The following THSD7B variants were observed in gnomAD, a reference collection of about 807,000 sequenced individuals.
THSD7B encodes the protein thrombospondin type 1 domain containing 7B, also known as thrombospondin type-1 domain-containing protein 7B.
In THSD7B, 138 loss-of-function variants were observed where a neutral mutation model predicts 213.6. The observed-to-expected ratio is 0.65, with a 90% CI of 0.56 to 0.74. The LOEUF (loss-of-function observed/expected upper bound fraction) is 0.74. THSD7B is among the 30% of genes least tolerant of loss of function. The pLI, the probability that THSD7B is intolerant of heterozygous loss-of-function variation, is 0.00. For missense variants in THSD7B, 1,931 were observed against 1,991.5 expected (o/e 0.97, Z 0.58); for synonymous variants, 742 against 687.0 (o/e 1.08, Z -1.25).
intron 14 of THSD7B, among the ~76,000 whole-genome samples, chr2:137,434,516 A>G (rs977524969): frequency 6.6e-6 from 1 of 152,220 alleles, no homozygotes; most frequent in Non-Finnish European, 1.5e-5. Flanking sequence ...ATAATATTTC[A>G]ATGGTTTGAA....
intron 14 of THSD7B, among the ~76,000 whole-genome samples, chr2:137,448,448 G>A (rs868002882): frequency 6.6e-6 from 1 of 152,166 alleles, no homozygotes; most frequent in Non-Finnish European, 1.5e-5. Flanking sequence ...AGATAGAAGA[G>A]ACGGGAGGGT....
intron 15 of THSD7B, among the ~76,000 whole-genome samples, chr2:137,466,341 T>A (rs546660932): frequency 6.6e-6 from 1 of 152,276 alleles, no homozygotes; most frequent in African/African-American, 2.4e-5. Context: ...CATTCCAGTT[T>A]TGAGTGGGAG....
intron 1 of THSD7B, among the ~76,000 whole-genome samples, chr2:136,869,905 A>G (rs1573679093): frequency 6.6e-6 from 1 of 152,018 alleles, no homozygotes; most frequent in African/African-American, 2.4e-5. Flanking sequence ...AACTCCATCT[A>G]TACTAAAAAT....
chr2:137,539,883 T>A (rs538510915), intron 15 of THSD7B, among the ~76,000 whole-genome samples: 1 of 151,718 alleles, frequency 6.6e-6, no homozygotes, highest in Admixed American at 6.6e-5. Flanking sequence ...CAATTCATGA[T>A]GTATTTCTTG....
intron 7 of THSD7B, among the ~76,000 whole-genome samples, chr2:137,184,387 C>G (rs1183769533): frequency 6.6e-6 from 1 of 152,068 alleles, no homozygotes; most frequent in Admixed American, 6.6e-5. Flanking sequence ...ATTCAAACCA[C>G]AGCAGTGACT....
intron 14 of THSD7B, among the ~76,000 whole-genome samples, chr2:137,437,477 A>T (rs1053806311): frequency 6.6e-6 from 1 of 152,168 alleles, no homozygotes; most frequent in African/African-American, 2.4e-5. Context: ...TGTCTTCAAC[A>T]TGTCCTGAAT....
intron 17 of THSD7B, among the ~76,000 whole-genome samples, chr2:137,578,379 T>A (rs1348945620): frequency 6.6e-6 from 1 of 152,240 alleles, no homozygotes; most frequent in Non-Finnish European, 1.5e-5. Context: ...GAATGACTTC[T>A]GAGAATCTGC....
chr2:137,595,945 A>G (rs1681949687), intron 17 of THSD7B, among the ~76,000 whole-genome samples: 1 of 151,958 alleles, frequency 6.6e-6, no homozygotes, highest in African/African-American at 2.4e-5. Flanking sequence ...TATATATTAC[A>G]TAGTTCTAAT....
At chr2:136,890,301 CTCCTTCT>C (rs1558839728) in intron 2 of THSD7B, among the ~76,000 whole-genome samples, 13 of 486 alleles carry the variant, frequency 0.027, 2 homozygotes, top group African/African-American at 0.05. Context: ...CCATGTCCTA[CTCCTTCT>C]TCTTCTTCTT....
intron 1 of THSD7B, among the ~76,000 whole-genome samples, chr2:136,766,521 G>A (rs531304120): frequency 4.7e-4 from 68 of 146,100 alleles, no homozygotes; most frequent in Non-Finnish European, 8.5e-4. Flanking sequence ...AATGAACCCC[G>A]CTCTTTGGTG....
intron 14 of THSD7B, among the ~76,000 whole-genome samples, chr2:137,438,925 C>T (rs762629824): frequency 2.6e-5 from 4 of 151,912 alleles, no homozygotes; most frequent in African/African-American, 4.8e-5. Context: ...CAATTATTAG[C>T]GTCCTTACAA....
intron 1 of THSD7B, among the ~76,000 whole-genome samples, chr2:136,829,372 G>A (rs925657707): frequency 1.3e-5 from 2 of 152,036 alleles, no homozygotes; most frequent in Admixed American, 6.6e-5. Context: ...GGGGATAGAT[G>A]AGAGGTGGGA....
chr2:137,125,486 A>G (rs1256213585), intron 5 of THSD7B, among the ~76,000 whole-genome samples: 1 of 152,190 alleles, frequency 6.6e-6, no homozygotes, highest in Non-Finnish European at 1.5e-5. Flanking sequence ...ATTCAGTCAC[A>G]TCTTTAGGCT....
chr2:137,306,618 C>A (rs1197864103), intron 12 of THSD7B, among the ~76,000 whole-genome samples: 1 of 152,018 alleles, frequency 6.6e-6, no homozygotes. Flanking sequence ...CATGTATCTT[C>A]TAGTGAAAAA....
At chr2:136,841,447 A>G (rs1349321236) in intron 1 of THSD7B, among the ~76,000 whole-genome samples, 2 of 151,830 alleles carry the variant, frequency 1.3e-5, no homozygotes, top group Non-Finnish European at 2.9e-5. Flanking sequence ...TACAAAAAAA[A>G]ATAGCTGGAC....
chr2:137,358,855 G>A (rs114009742), intron 12 of THSD7B, among the ~76,000 whole-genome samples: 164 of 152,218 alleles, frequency 1.1e-3, no homozygotes, highest in African/African-American at 3.4e-3. Context: ...ATCACAACCT[G>A]GGTTTGGATG....
intron 27 of THSD7B, among the ~76,000 whole-genome samples, chr2:137,668,219 A>C (rs556012390): frequency 6.6e-6 from 1 of 152,172 alleles, no homozygotes; most frequent in Non-Finnish European, 1.5e-5. Context: ...AGGTGTGGCC[A>C]GGTCATCTGG....
chr2:137,166,435 G>A (rs911647103), intron 6 of THSD7B, among the ~76,000 whole-genome samples: 1 of 152,060 alleles, frequency 6.6e-6, no homozygotes, highest in Non-Finnish European at 1.5e-5. Context: ...ATCCTTTTCA[G>A]ACATATACTA....
At chr2:137,200,859 GGGGACTCCTATGTTGCCCAGACTGGT>G (rs1558956085) in intron 7 of THSD7B, among the ~76,000 whole-genome samples, 2 of 29,458 alleles carry the variant, frequency 6.8e-5, no homozygotes. Flanking sequence ...TTGAAGAGAT[GGGGACTCCTATGTTGCCCAGACTGGT>G]CTCCAACTCC....
Sources: gnomAD v4.1 joint callset for allele counts (sites outside exome capture counted in the v4.1 genomes callset) on GRCh38, gnomAD v4.1.1 for gene constraint, MANE v1.5 for transcripts, NCBI Gene and HGNC (gene_info 2026-07-23, HGNC 2026-07-21) for gene names.